The following PTGFRN variants were observed in gnomAD, a reference collection of about 807,000 sequenced individuals.
PTGFRN encodes the protein prostaglandin F2 receptor inhibitor, also known as prostaglandin F2 receptor negative regulator.
In PTGFRN, 35 loss-of-function variants were observed where a neutral mutation model predicts 83.2. The observed-to-expected ratio is 0.42, with a 90% CI of 0.32 to 0.56. The LOEUF (loss-of-function observed/expected upper bound fraction) is 0.56, where lower values mean the gene tolerates loss of function less well. Among genes scored for constraint, PTGFRN ranks in the 20% least tolerant of loss-of-function variants. The probability of loss-of-function intolerance (pLI) is 0.11; values close to 1 mark genes in which losing one functional copy is unlikely to be tolerated. For missense variants in PTGFRN, 1,051 were observed against 1,179.5 expected, an observed-to-expected ratio of 0.89 and a Z score of 1.60; for synonymous variants, 519 against 498.6, an observed-to-expected ratio of 1.04 and a Z score of -0.55.
At chr1:116,971,819 G>A (rs996905597) in intron 6 of PTGFRN, among the ~76,000 whole-genome samples, 1 of 152,146 alleles carries the variant, frequency 6.6e-6, no homozygotes, top group Non-Finnish European at 1.5e-5. Flanking sequence ...AAATTTGTTC[G>A]AATTAAGTAA....
At chr1:116,910,324 T>TGCAGCGCGCGGCC (rs2101046825) in intron 1 of PTGFRN, 72 bp downstream of exon 1, 1 of 1,212,862 alleles carries the variant, frequency 8.2e-7, no homozygotes, top group Non-Finnish European at 1.0e-6. Context: ...GGGGCGCGGC[T>TGCAGCGCGCGGCC]GCAGCGCGCG....
chr1:116,982,675 G>A (rs1414978410), intron 7 of PTGFRN, among the ~76,000 whole-genome samples: 1 of 152,164 alleles, frequency 6.6e-6, no homozygotes, highest in Non-Finnish European at 1.5e-5. Context: ...TGTGAATTCA[G>A]AGCAAGTCCA....
intron 1 of PTGFRN, among the ~76,000 whole-genome samples, chr1:116,921,160 C>T (rs1458931292): frequency 2.6e-5 from 4 of 152,174 alleles, no homozygotes; most frequent in African/African-American, 7.2e-5. Flanking sequence ...GTCTGGCCCT[C>T]CCTGGCTACT....
At chr1:116,944,301 C>T (rs565135527) in intron 2 of PTGFRN, among the ~76,000 whole-genome samples, 2 of 152,274 alleles carry the variant, frequency 1.3e-5, no homozygotes, top group South Asian at 4.1e-4. Flanking sequence ...TGGGAACTTA[C>T]CCTGTTTAAC....
chr1:116,924,049 T>C (rs528460955), intron 1 of PTGFRN, among the ~76,000 whole-genome samples: 2 of 151,650 alleles, frequency 1.3e-5, no homozygotes, highest in African/African-American at 4.8e-5. Flanking sequence ...ATTCTGGGAG[T>C]ACTTTAGGCA....
chr1:116,967,397 C>G, intron 6 of PTGFRN, 67 bp downstream of exon 6: 3 of 1,476,988 alleles, frequency 2.0e-6, no homozygotes, highest in Non-Finnish European at 2.7e-6. Context: ...GATCAGATGC[C>G]CTCATTTTTT....
At chr1:116,978,513 G>C (rs1214368319) in intron 7 of PTGFRN, among the ~76,000 whole-genome samples, 1 of 151,638 alleles carries the variant, frequency 6.6e-6, no homozygotes, top group Non-Finnish European at 1.5e-5. Flanking sequence ...ACATCAAAAG[G>C]CTTATACACC....
chr1:116,978,784 CTG>C (rs1189219843), intron 7 of PTGFRN, among the ~76,000 whole-genome samples: 1 of 152,100 alleles, frequency 6.6e-6, no homozygotes, highest in Non-Finnish European at 1.5e-5. Flanking sequence ...TGGGCAAAAA[CTG>C]GAAGCATTCC....
Position 116,978,199 on chromosome 1 carries a change from A to G in PTGFRN, c.2167+3876A>G, listed in dbSNP as rs893029594. Among the ~76,000 whole-genome samples, 8 of 152,362 alleles carry G rather than the reference A, an allele frequency of 5.3e-5. No homozygotes were observed. In the South Asian group the frequency reaches 6.2e-4, roughly 12 times the overall value. ...AAGAAGCGGAATCCCTGAATAGACC[A>G]ATAACAGGCTCTGAAGTTGAGGCAA... On this transcript the variant is annotated intron_variant, in intron 7 of 8. Coordinates refer to ENST00000393203, the MANE Select transcript of PTGFRN (RefSeq NM_020440.4).
Position 116,910,170 on chromosome 1 carries a change from G to A in PTGFRN, c.-34G>A. The A allele has an allele frequency of 6.6e-7, 1 of 1,510,046 alleles. No individual in the cohort carries two copies. The highest frequency in any genetic ancestry group is 8.8e-7 in the Non-Finnish European group (1 of 1,135,396). 93.5% of individuals were successfully genotyped at this position (1,510,046 alleles called of 1,614,324 possible). On this transcript the variant is annotated 5_prime_UTR_variant, in exon 1 of 9. Coordinates refer to ENST00000393203, the MANE Select transcript of PTGFRN (RefSeq NM_020440.4). The stretch of plus-strand genomic sequence containing the variant: ...GAGGAGGAGAGGCGGCGGGGAAGGA[G>A]GAGGAGGGGGAGAGTCGCTCCCGCC...
At chr1:116,928,631 G>A (rs149526775) in intron 1 of PTGFRN, among the ~76,000 whole-genome samples, 1,541 of 151,714 alleles carry the variant, frequency 0.01, 36 homozygotes, top group African/African-American at 0.036. Flanking sequence ...CATCTTTACC[G>A]CAGCTCAGCT....
At chr1:116,946,083 TTGC>T (rs1650194345) in intron 3 of PTGFRN, among the ~76,000 whole-genome samples, 2 of 152,202 alleles carry the variant, frequency 1.3e-5, no homozygotes, top group Non-Finnish European at 1.5e-5. Flanking sequence ...TTTGCTGCTG[TTGC>T]TGCTGCCTTC....
chr1:116,944,517 G>C (rs975993577), intron 2 of PTGFRN, among the ~76,000 whole-genome samples, 162 bp from the exon 3 acceptor site: 1 of 152,178 alleles, frequency 6.6e-6, no homozygotes, highest in Non-Finnish European at 1.5e-5. Context: ...AAGTCAGAAA[G>C]TCAATTGAGA....
intron 1 of PTGFRN, among the ~76,000 whole-genome samples, chr1:116,925,154 G>A (rs187586673): frequency 4.6e-5 from 7 of 151,788 alleles, no homozygotes; most frequent in African/African-American, 9.7e-5. Flanking sequence ...ACCAGCTGTC[G>A]CAGTGGCTTA....
intron 1 of PTGFRN, among the ~76,000 whole-genome samples, chr1:116,939,404 G>A (rs190299149): frequency 6.6e-6 from 1 of 152,372 alleles, no homozygotes; most frequent in African/African-American, 2.4e-5. Context: ...ACACCACGTG[G>A]CAGCTGCCAA....
At chr1:116,925,936 T>A (rs1018644600) in intron 1 of PTGFRN, among the ~76,000 whole-genome samples, 1 of 152,224 alleles carries the variant, frequency 6.6e-6, no homozygotes, top group Non-Finnish European at 1.5e-5. Context: ...GAGTCTTTTT[T>A]AATTTAATTC....
chr1:116,910,999 C>G (rs1317309423), intron 1 of PTGFRN, among the ~76,000 whole-genome samples: 7 of 152,108 alleles, frequency 4.6e-5, no homozygotes, highest in African/African-American at 1.7e-4. Context: ...CTGGGTGCCC[C>G]GTGAGGTTTT....
chr1:116,975,970 G>T (rs949284610), intron 7 of PTGFRN, among the ~76,000 whole-genome samples: 1 of 152,092 alleles, frequency 6.6e-6, no homozygotes, highest in Non-Finnish European at 1.5e-5. Flanking sequence ...AGCTAAAAAC[G>T]TTGAAAAAAG....
Position 116,944,717 on chromosome 1 carries a change from C to T in PTGFRN, c.457C>T (p.Pro153Ser). 3 of 1,449,226 alleles carry T rather than the reference C, an allele frequency of 2.1e-6. No individual in the cohort carries two copies. Among genetic ancestry groups the T allele is most frequent in the Admixed American group, 2.9e-5 (1 of 34,802 alleles). The allele number at this position is 1,449,226 out of a possible 1,614,324, so 89.8% of individuals were successfully genotyped here. Residue 153 changes from proline (P) to serine (S), a missense_variant, in exon 3 of 9, where the codon CCC becomes TCC. By Grantham distance (74) the Pro-to-Ser change is moderately conservative. Transcript: ENST00000393203. ...CCTGCACGTGGGCCCCAGCGCGCGG[C>T]CCCCGCCGAGCCTGAGCCTGCGGGA... ...DSLHVGPSARPPPSLSLREGE... is the reference protein window; with the variant it reads ...DSLHVGPSARSPPSLSLREGE...
Sources: allele counts gnomAD v4.1 joint callset (sites outside exome capture counted in the v4.1 genomes callset), GRCh38; gene constraint gnomAD v4.1.1; transcripts MANE v1.5; gene names NCBI Gene and HGNC (gene_info 2026-07-23, HGNC 2026-07-21).